The following ROBO2 variants were observed in gnomAD, a reference collection of about 807,000 sequenced individuals.
ROBO2 encodes roundabout homolog 2.
A neutral mutation model predicts 160.8 loss-of-function variants in ROBO2; 53 were observed. The observed-to-expected ratio is 0.33, with a 90% confidence interval of 0.26 to 0.41. ROBO2 has a LOEUF of 0.41. Among genes scored for constraint, ROBO2 ranks in the 10% least tolerant of loss-of-function variants. The probability of loss-of-function intolerance (pLI) is 1.00; values close to 1 mark genes in which losing one functional copy is unlikely to be tolerated. For synonymous variants in ROBO2, 664 were observed against 611.7 expected, an observed-to-expected ratio of 1.09 and a Z score of -1.26; for missense variants, 1,577 against 1,722.4, an observed-to-expected ratio of 0.92 and a Z score of 1.49.
Position 76,356,258 on chromosome 3 carries a change from A to G in ROBO2, c.109+418656A>G, listed in dbSNP as rs375411240. Among the ~76,000 whole-genome samples, 11 of 151,844 alleles carry G rather than the reference A, an allele frequency of 7.2e-5. No homozygotes were observed. In the Middle Eastern group the frequency reaches 0.01, roughly 141 times the overall value. On this transcript the variant is annotated intron_variant, in intron 2 of 26. Transcript: ENST00000487694. Reference sequence around the variant, plus strand: ...GCACTTGAGTCATGCAAAAGATAACAGGAAAAGAGAAACAAGTGAGCAAAA... The same window carrying G: ...GCACTTGAGTCATGCAAAAGATAACGGGAAAAGAGAAACAAGTGAGCAAAA...
chr3:77,380,075 T>C (rs1473298467), intron 2 of ROBO2, among the ~76,000 whole-genome samples: 1 of 152,210 alleles, frequency 6.6e-6, no homozygotes, highest in African/African-American at 2.4e-5. Flanking sequence ...CCTTTCACTG[T>C]GTGCCTCTGT....
chr3:77,638,101 G>T (rs772590223), intron 24 of ROBO2, among the ~76,000 whole-genome samples: 9 of 152,142 alleles, frequency 5.9e-5, no homozygotes, highest in Non-Finnish European at 1.2e-4. Context: ...CATTTATTTT[G>T]GATGGTGCTC....
intron 1 of ROBO2, among the ~76,000 whole-genome samples, chr3:77,064,135 G>A (rs201216239): frequency 6.6e-6 from 1 of 151,966 alleles, no homozygotes; most frequent in African/African-American, 2.4e-5. Flanking sequence ...CACTTATTAT[G>A]CTTTTTGTTA....
intron 2 of ROBO2, among the ~76,000 whole-genome samples, chr3:76,914,978 T>A (rs2076217304): frequency 6.6e-6 from 1 of 152,204 alleles, no homozygotes; most frequent in African/African-American, 2.4e-5. Flanking sequence ...GAAACCTAAT[T>A]CACCTTAAAT....
At chr3:76,802,727 C>CAA (rs71104621) in intron 2 of ROBO2, among the ~76,000 whole-genome samples, 8,463 of 103,664 alleles carry the variant, frequency 0.082, 391 homozygotes, top group East Asian at 0.21. Context: ...GACTCCGTCT[C>CAA]AAAAAAAAAA....
At chr3:76,019,248 G>A (rs751084482) in intron 2 of ROBO2, among the ~76,000 whole-genome samples, 1 of 151,130 alleles carries the variant, frequency 6.6e-6, no homozygotes, top group African/African-American at 2.4e-5. Flanking sequence ...TTGCGTTATC[G>A]CCTCCCTACA....
chr3:77,316,919 G>C (rs2064052102), intron 2 of ROBO2: 1 of 1,203,804 alleles, frequency 8.3e-7, no homozygotes, highest in Non-Finnish European at 1.2e-6. Context: ...CAGGCATGAG[G>C]GTCAGTCTGA....
chr3:77,206,770 T>G (rs2083497116), intron 2 of ROBO2, among the ~76,000 whole-genome samples: 1 of 152,212 alleles, frequency 6.6e-6, no homozygotes, highest in African/African-American at 2.4e-5. Context: ...TTGGCATTTT[T>G]AAGTTTTTGA....
rs758007146 is a variant in ROBO2 at position 77,588,849 on chromosome 3, G to A, written c.2599G>A (p.Gly867Ser). 7 of 1,613,608 alleles carry A rather than the reference G, an allele frequency of 4.3e-6. No individual in the cohort carries two copies. The South Asian group carries it at 6.6e-5, about 15-fold the overall frequency. Residue 867 changes from glycine (G) to serine (S), a missense_variant, in exon 17 of 26, where the codon GGT becomes AGT. Gly to Ser is a moderately conservative substitution (Grantham distance 56). Around this residue, in one of 2 missense-constraint regions of ROBO2, gnomAD observed 940 missense variants for 1,135.5 expected, o/e 0.83. Transcript: ENST00000461745. ...ACCAGCCTTTATAGCTGGTATTGGTGGTGCCTGCTGGGTAATTCTGATGGG... is the reference window on the plus strand; with the variant it reads ...ACCAGCCTTTATAGCTGGTATTGGTAGTGCCTGCTGGGTAATTCTGATGGG...
At chr3:77,309,395 G>A (rs552962965) in intron 2 of ROBO2, among the ~76,000 whole-genome samples, 1 of 152,278 alleles carries the variant, frequency 6.6e-6, no homozygotes, top group Non-Finnish European at 1.5e-5. Context: ...GTAGTTGGTT[G>A]TTCCTAAATT....
intron 2 of ROBO2, among the ~76,000 whole-genome samples, chr3:76,015,666 G>A (rs549857179): frequency 1.6e-3 from 239 of 152,264 alleles, no homozygotes; most frequent in African/African-American, 4.0e-3. Context: ...GCCAGATGGC[G>A]CACACAATCC....
chr3:76,239,953 C>A (rs151057301), intron 2 of ROBO2, among the ~76,000 whole-genome samples: 1,713 of 151,912 alleles, frequency 0.011, 18 homozygotes, highest in Middle Eastern at 0.054. Context: ...TTTGCAGGCA[C>A]GTTGGGAGTG....
intron 2 of ROBO2, among the ~76,000 whole-genome samples, chr3:77,463,599 G>T (rs2082463081): frequency 6.6e-6 from 1 of 151,842 alleles, no homozygotes; most frequent in African/African-American, 2.4e-5. Flanking sequence ...TAGTTTTCTT[G>T]AGACAGAGTA....
At chr3:76,095,065 A>T (rs952417071) in intron 2 of ROBO2, among the ~76,000 whole-genome samples, 1 of 152,152 alleles carries the variant, frequency 6.6e-6, no homozygotes, top group Non-Finnish European at 1.5e-5. Flanking sequence ...GGAAAAAGCG[A>T]TATGGAAGAC....
At chr3:76,656,943 C>G (rs4417867) in intron 2 of ROBO2, among the ~76,000 whole-genome samples, 56,316 of 149,976 alleles carry the variant, frequency 0.38, 10,826 homozygotes, top group East Asian at 0.5. Flanking sequence ...TTAACTGGCT[C>G]TCTATTTAGT....
intron 2 of ROBO2, among the ~76,000 whole-genome samples, chr3:77,151,628 T>A (rs2077552516): frequency 6.6e-6 from 1 of 152,192 alleles, no homozygotes; most frequent in Admixed American, 6.5e-5. Context: ...TTTGACTATA[T>A]TCACATTATG....
At chr3:77,444,161 A>T (rs1308716991) in intron 2 of ROBO2, among the ~76,000 whole-genome samples, 2 of 152,198 alleles carry the variant, frequency 1.3e-5, no homozygotes, top group Non-Finnish European at 2.9e-5. Flanking sequence ...ACTATGGAAT[A>T]GCATTTTAAT....
At chr3:76,236,554 G>A (rs1035258628) in intron 2 of ROBO2, among the ~76,000 whole-genome samples, 4 of 152,040 alleles carry the variant, frequency 2.6e-5, no homozygotes, top group South Asian at 2.1e-4. Flanking sequence ...AGTAATTTTC[G>A]TGTTACTTTC....
intron 2 of ROBO2, among the ~76,000 whole-genome samples, chr3:76,420,431 C>A (rs13091632): frequency 0.34 from 51,820 of 152,012 alleles, 10,933 homozygotes; most frequent in South Asian, 0.47. Context: ...GTTAAAATTG[C>A]CGGCATTGAT....
Sources: allele counts gnomAD v4.1 joint callset (sites outside exome capture counted in the v4.1 genomes callset), GRCh38; gene constraint gnomAD v4.1.1; regional missense constraint gnomAD v4.1.1; transcripts MANE v1.5; gene names NCBI Gene and HGNC (gene_info 2026-07-23, HGNC 2026-07-21).